MTCH2: variants seen among roughly 807,000 people sequenced by gnomAD.
MTCH2 encodes the protein mitochondrial carrier homolog 2.
A neutral mutation model predicts 50.6 loss-of-function variants in MTCH2; 25 were observed. That is an observed-to-expected ratio of 0.49 (90% CI 0.36 to 0.69). The LOEUF (loss-of-function observed/expected upper bound fraction) is 0.69. Ranked by LOEUF, MTCH2 falls within the 30% of genes least tolerant of loss-of-function variation. MTCH2 has a pLI of 0.00. For synonymous variants in MTCH2, 106 were observed against 132.0 expected (o/e 0.80, Z 1.35); for missense variants, 273 against 384.4 (o/e 0.71, Z 2.42).
chr11:47,626,721 T>G (rs1274712251), intron 10 of MTCH2, among the ~76,000 whole-genome samples: 1 of 151,864 alleles, frequency 6.6e-6, no homozygotes, highest in Non-Finnish European at 1.5e-5. Context: ...CCAGTGATTC[T>G]CCTGCCTCAG....
At chr11:47,639,915 TTAATGATTACCATGG>T (rs2153801182) in intron 1 of MTCH2, among the ~76,000 whole-genome samples, 1 of 152,260 alleles carries the variant, frequency 6.6e-6, no homozygotes, top group East Asian at 1.9e-4. Context: ...TTTTATATAG[TTAATGATTACCATGG>T]TCTTTGTACA....
chr11:47,611,958 AG>A, the MTCH2 span, among the ~76,000 whole-genome samples: 1 of 152,336 alleles, frequency 6.6e-6, no homozygotes, highest in African/African-American at 2.4e-5. Context: ...ACTGGCGACC[AG>A]AACACTTAAC....
chr11:47,623,909 G>A (rs1402798686), intron 11 of MTCH2, among the ~76,000 whole-genome samples: 7 of 152,082 alleles, frequency 4.6e-5, no homozygotes, highest in Admixed American at 2.6e-4. Context: ...GAAATTAGCC[G>A]GGGGTGGTGG....
chr11:47,609,793 C>T, the MTCH2 span, among the ~76,000 whole-genome samples: 44 of 152,304 alleles, frequency 2.9e-4, 1 homozygote, highest in South Asian at 9.1e-3. Context: ...GCTTTATCTA[C>T]TGCCTACTGC....
intron 8 of MTCH2, 69 bp from the exon 9 acceptor site, chr11:47,629,115 A>G (rs2097300703): frequency 7.7e-7 from 1 of 1,304,208 alleles, no homozygotes; most frequent in Admixed American, 2.0e-5. Flanking sequence ...TCTTCAGTAC[A>G]AATGTTTGTC....
intron 10 of MTCH2, 129 bp from the exon 11 acceptor site, chr11:47,625,870 G>T: frequency 1.6e-6 from 1 of 615,070 alleles, no homozygotes; most frequent in Non-Finnish European, 2.8e-6. Flanking sequence ...TCGGTACCCT[G>T]GAAAGACAAC....
the MTCH2 span, among the ~76,000 whole-genome samples, chr11:47,606,771 T>C: frequency 6.6e-6 from 1 of 152,240 alleles, no homozygotes; most frequent in East Asian, 1.9e-4. Flanking sequence ...CAGGGGAGTC[T>C]TTCCCCATCA....
chr11:47,607,439 A>G, the MTCH2 span, among the ~76,000 whole-genome samples: 1 of 152,166 alleles, frequency 6.6e-6, no homozygotes, highest in Non-Finnish European at 1.5e-5. Context: ...AGCTCTGAGA[A>G]GAGTGTGGGG....
chr11:47,619,278 C>T (rs536518477), intron 12 of MTCH2, among the ~76,000 whole-genome samples: 9 of 152,214 alleles, frequency 5.9e-5, no homozygotes, highest in Non-Finnish European at 1.2e-4. Flanking sequence ...GCTCTGTTGC[C>T]CAGGCTGTAG....
chr11:47,636,085 G>A (rs538191982), intron 3 of MTCH2, among the ~76,000 whole-genome samples: 3 of 151,658 alleles, frequency 2.0e-5, no homozygotes, highest in Non-Finnish European at 4.4e-5. Context: ...CCAAGATCAC[G>A]CCACTGCACT....
the MTCH2 span, among the ~76,000 whole-genome samples, chr11:47,607,023 C>T: frequency 6.6e-6 from 1 of 152,204 alleles, no homozygotes; most frequent in South Asian, 2.1e-4. Context: ...ACCCTCAACA[C>T]CTGGTTTCCT....
intron 11 of MTCH2, among the ~76,000 whole-genome samples, chr11:47,625,291 C>T (rs2097296940): frequency 6.6e-6 from 1 of 151,048 alleles, no homozygotes; most frequent in African/African-American, 2.4e-5. Flanking sequence ...GGCATGGTGG[C>T]GAATGCCTGT....
intron 10 of MTCH2, among the ~76,000 whole-genome samples, chr11:47,626,843 C>T (rs1288013618): frequency 6.6e-6 from 1 of 151,862 alleles, no homozygotes; most frequent in Non-Finnish European, 1.5e-5. Context: ...GAACTCCTGA[C>T]CTCAGGTGAT....
At chr11:47,625,436 A>G (rs1438892040) in intron 11 of MTCH2, among the ~76,000 whole-genome samples, 1 of 135,210 alleles carries the variant, frequency 7.4e-6, no homozygotes, top group Non-Finnish European at 1.6e-5. Flanking sequence ...AAAAAAAAAA[A>G]TAATAATAAT....
intron 5 of MTCH2, among the ~76,000 whole-genome samples, chr11:47,632,598 T>C (rs1176397527): frequency 2.0e-5 from 3 of 152,124 alleles, no homozygotes; most frequent in Non-Finnish European, 2.9e-5. Context: ...GACCTCATGA[T>C]CCGCCCGCCT....
intron 12 of MTCH2, among the ~76,000 whole-genome samples, chr11:47,620,028 G>T (rs1475082797): frequency 6.6e-6 from 1 of 152,112 alleles, no homozygotes; most frequent in Non-Finnish European, 1.5e-5. Flanking sequence ...AGTGAGCCAA[G>T]ATCGTGCTAT....
At chr11:47,609,154 G>GA in the MTCH2 span, among the ~76,000 whole-genome samples, 49 of 134,228 alleles carry the variant, frequency 3.7e-4, no homozygotes, top group East Asian at 4.5e-4. Context: ...AAAGAAAAAA[G>GA]AAAAAAAAAT....
downstream of MTCH2, among the ~76,000 whole-genome samples, chr11:47,612,440 C>A (rs1322264930): frequency 2.0e-4 from 30 of 152,098 alleles, no homozygotes; most frequent in Admixed American, 1.9e-3. Flanking sequence ...TGGTGGCGGG[C>A]ACCTGTAGTC....
intron 12 of MTCH2, among the ~76,000 whole-genome samples, chr11:47,619,478 C>T (rs2097291221): frequency 6.6e-6 from 1 of 152,092 alleles, no homozygotes; most frequent in Non-Finnish European, 1.5e-5. Context: ...AAGTGATCCG[C>T]CTATCTTGGC....
Sources: gnomAD v4.1 joint callset for allele counts (sites outside exome capture counted in the v4.1 genomes callset) on GRCh38, gnomAD v4.1.1 for gene constraint, MANE v1.5 for transcripts, NCBI Gene and HGNC (gene_info 2026-07-23, HGNC 2026-07-21) for gene names.